TTLL5: variants seen among roughly 807,000 people sequenced by gnomAD.
TTLL5 encodes tubulin tyrosine ligase like 5.
TTLL5 carries 132 observed loss-of-function variants against 168.4 expected under a neutral mutation model. The observed-to-expected ratio is 0.78, with a 90% confidence interval of 0.68 to 0.91. The LOEUF (loss-of-function observed/expected upper bound fraction) is 0.91, where lower values mean the gene tolerates loss of function less well. Ranked by LOEUF, TTLL5 falls within the 40% of genes least tolerant of loss-of-function variation. The pLI is 0.00. For missense variants in TTLL5, 1,545 were observed against 1,581.5 expected, an observed-to-expected ratio of 0.98 and a Z score of 0.39; for synonymous variants, 546 against 558.6, an observed-to-expected ratio of 0.98 and a Z score of 0.32.
At chr14:75,710,147 T>C (rs1223902354) in intron 9 of TTLL5, 3 of 152,188 alleles carry the variant, frequency 2.0e-5, no homozygotes, top group Non-Finnish European at 4.4e-5. Context: ...AAGGACATCA[T>C]AGCAATATGT....
intron 28 of TTLL5, among the ~76,000 whole-genome samples, chr14:75,855,313 T>A (rs922363200): frequency 2.0e-5 from 3 of 152,208 alleles, no homozygotes; most frequent in African/African-American, 7.2e-5. Context: ...ATCAACCTAC[T>A]TGATAAAATA....
chr14:75,823,156 C>T (rs1894930389), intron 28 of TTLL5, among the ~76,000 whole-genome samples: 1 of 152,182 alleles, frequency 6.6e-6, no homozygotes, highest in Non-Finnish European at 1.5e-5. Context: ...CTCTCTCTTC[C>T]TTAAAGTGAT....
intron 30 of TTLL5, among the ~76,000 whole-genome samples, chr14:75,891,878 T>C (rs1263479882): frequency 2.0e-5 from 3 of 152,336 alleles, no homozygotes; most frequent in East Asian, 3.9e-4. Context: ...ATATCACTTA[T>C]GTCTTGGAGT....
At chr14:75,752,848 T>C (rs1238398156) in intron 17 of TTLL5, 45 bp from the exon 18 acceptor site, 5 of 1,575,524 alleles carry the variant, frequency 3.2e-6, no homozygotes, top group Non-Finnish European at 4.4e-6. Flanking sequence ...CATTTTCCTC[T>C]TGAACTAGCT....
chr14:75,847,940 A>G (rs1896640052), intron 28 of TTLL5, among the ~76,000 whole-genome samples: 1 of 149,010 alleles, frequency 6.7e-6, no homozygotes, highest in Non-Finnish European at 1.5e-5. Flanking sequence ...GCTTAATTAT[A>G]AGTATACATT....
At chr14:75,687,932 C>T (rs1885187300) in intron 5 of TTLL5, among the ~76,000 whole-genome samples, 1 of 152,172 alleles carries the variant, frequency 6.6e-6, no homozygotes, top group Non-Finnish European at 1.5e-5. Context: ...CCAGAAAACA[C>T]CAAGTGTGGG....
intron 28 of TTLL5, among the ~76,000 whole-genome samples, chr14:75,826,118 G>A (rs1277132680): frequency 1.3e-5 from 2 of 152,126 alleles, no homozygotes; most frequent in Admixed American, 6.6e-5. Flanking sequence ...ACCTGGGGCC[G>A]AGTGTCAGGA....
At chr14:75,709,510 C>A in intron 9 of TTLL5, 1 of 286,830 alleles carries the variant, frequency 3.5e-6, no homozygotes, top group Non-Finnish European at 6.7e-6. Context: ...CTGGCCTCTT[C>A]CTTGAAAATT....
chr14:75,919,703 T>C (rs2033756211), intron 31 of TTLL5, among the ~76,000 whole-genome samples: 1 of 152,212 alleles, frequency 6.6e-6, no homozygotes, highest in African/African-American at 2.4e-5. Context: ...TAAATCTTCA[T>C]GTCGTTGGAT....
chr14:75,926,090 GAGGGAGA>G (rs2034052676), intron 31 of TTLL5, among the ~76,000 whole-genome samples: 1 of 147,624 alleles, frequency 6.8e-6, no homozygotes, highest in African/African-American at 2.6e-5. Flanking sequence ...GCCGTGGGGA[GAGGGAGA>G]GGGAGAGGGA....
chr14:75,843,579 G>T (rs180674903), intron 28 of TTLL5, among the ~76,000 whole-genome samples: 1 of 152,330 alleles, frequency 6.6e-6, no homozygotes. Context: ...ACCACATGTA[G>T]GGCAATGGTA....
At chr14:75,885,228 C>T (rs368738525) in intron 30 of TTLL5, among the ~76,000 whole-genome samples, 78 of 151,342 alleles carry the variant, frequency 5.2e-4, no homozygotes, top group African/African-American at 1.6e-3. Flanking sequence ...CGGTGGCTCA[C>T]GCCTGTAATC....
chr14:75,880,370 A>G (rs1017557040), intron 29 of TTLL5, among the ~76,000 whole-genome samples: 5 of 152,198 alleles, frequency 3.3e-5, no homozygotes, highest in Non-Finnish European at 5.9e-5. Flanking sequence ...GTTCTTACCA[A>G]TGGCAGTTCC....
chr14:75,802,731 A>G (rs558664454), intron 27 of TTLL5, among the ~76,000 whole-genome samples: 1 of 152,378 alleles, frequency 6.6e-6, no homozygotes, highest in South Asian at 2.1e-4. Context: ...TGGCAGCTAC[A>G]TAAACAGATG....
intron 30 of TTLL5, among the ~76,000 whole-genome samples, chr14:75,885,435 TG>T (rs1371679304): frequency 6.6e-6 from 1 of 152,084 alleles, no homozygotes; most frequent in Non-Finnish European, 1.5e-5. Context: ...GAGCTTGCAG[TG>T]AGCCGAGATC....
chr14:75,847,419 A>G (rs1191991144), intron 28 of TTLL5, among the ~76,000 whole-genome samples: 1 of 152,060 alleles, frequency 6.6e-6, no homozygotes, highest in Non-Finnish European at 1.5e-5. Flanking sequence ...AATTTGGATT[A>G]TGTCTCACTG....
intron 31 of TTLL5, among the ~76,000 whole-genome samples, chr14:75,917,206 AT>A (rs2033648808): frequency 1.3e-5 from 2 of 152,234 alleles, no homozygotes; most frequent in South Asian, 4.1e-4. Flanking sequence ...TTTTGCCACA[AT>A]TTTTAAAGAA....
intron 12 of TTLL5, among the ~76,000 whole-genome samples, chr14:75,725,316 A>G (rs958398025): frequency 3.3e-5 from 5 of 152,344 alleles, no homozygotes; most frequent in East Asian, 1.9e-4. Context: ...AGAGTCATCA[A>G]TCTCTTCACT....
intron 31 of TTLL5, among the ~76,000 whole-genome samples, chr14:75,933,934 G>T (rs1429423181): frequency 6.6e-6 from 1 of 152,210 alleles, no homozygotes; most frequent in African/African-American, 2.4e-5. Context: ...TGCAAGCCAA[G>T]GAAGGAACCA....
Sources: gnomAD v4.1 joint callset for allele counts (sites outside exome capture counted in the v4.1 genomes callset) on GRCh38, gnomAD v4.1.1 for gene constraint, MANE v1.5 for transcripts, NCBI Gene and HGNC (gene_info 2026-07-23, HGNC 2026-07-21) for gene names.